Variants in ZC3HAV1L observed in about 807,000 individuals in gnomAD.
ZC3HAV1L encodes the protein zinc finger CCCH-type antiviral protein 1-like.
A neutral mutation model predicts 28.2 loss-of-function variants in ZC3HAV1L; 23 were observed. The ratio of observed to expected loss-of-function variants is 0.82; its 90% CI spans 0.59 to 1.16. The LOEUF is 1.16. Among genes scored for constraint, ZC3HAV1L ranks in the 50% most tolerant of loss-of-function variants. The pLI is 0.00. For missense variants in ZC3HAV1L, 376 were observed against 387.7 expected, an observed-to-expected ratio of 0.97 and a Z score of 0.25; for synonymous variants, 180 against 163.4, an observed-to-expected ratio of 1.10 and a Z score of -0.78.
At chr7:139,035,262 C>A in intron 1 of ZC3HAV1L, 1 of 985,384 alleles carries the variant, frequency 1.0e-6, no homozygotes, top group Non-Finnish European at 1.2e-6. Context: ...CAGCGATTTC[C>A]GGCTAAAGGG....
downstream of ZC3HAV1L, among the ~76,000 whole-genome samples, chr7:139,025,286 T>A (rs568866469): frequency 5.1e-4 from 77 of 152,126 alleles, no homozygotes; most frequent in African/African-American, 1.7e-3. Flanking sequence ...CCGTCTCTAC[T>A]AAAAATACAT....
In ZC3HAV1L at chr7:139,026,758, G is replaced by C; in HGVS notation, c.836C>G (p.Ala279Gly). The change falls in exon 4 of 5, where the codon GCT (alanine) becomes GGT (glycine). Residue 279 changes from alanine (A) to glycine (G), a missense_variant. Transcript: ENST00000275766. ...AGCAGGGACAGAAGCCAGAGGACCA[G>C]CTTCTGCAGCTCCAGCTGCGTGCAC... ...QGVHAAGAAE[A>G]GPLASVPAQS... The C allele has an allele frequency of 1.9e-6, 3 of 1,614,204 alleles. No individual in the cohort carries two copies. The highest frequency in any genetic ancestry group is 3.3e-4 in the Middle Eastern group (2 of 6,046).
At position 139,028,829 on chromosome 7, in the gene ZC3HAV1L, A is replaced by G. The variant is rs1354798990; in HGVS notation, c.633T>C (p.His211=). The G allele has an allele frequency of 1.2e-6, 2 of 1,614,056 alleles. No homozygotes were observed. The highest frequency in any genetic ancestry group is 2.7e-5 in the African/African-American group (2 of 74,924). Residue 211 remains histidine (H), a synonymous_variant, in exon 3 of 5, where the codon CAT becomes CAC. Coordinates refer to ENST00000275766, the MANE Select transcript of ZC3HAV1L (RefSeq NM_080660.4). The part of the protein sequence containing the change: ...ECKLQTCKRS[H]QLIHAASLKL... ...TCAAAGATGCAGCATGGATAAGCTG[A>G]TGGGACCGTTTGCAGGTCTGAAGTT...
intron 3 of ZC3HAV1L, among the ~76,000 whole-genome samples, chr7:139,027,806 T>C (rs1203148168): frequency 1.3e-5 from 2 of 152,222 alleles, no homozygotes; most frequent in Admixed American, 6.5e-5. Flanking sequence ...AATTAACATA[T>C]ACTTTGAGCA....
At chr7:139,022,782 G>A (rs1000166988), downstream of ZC3HAV1L, among the ~76,000 whole-genome samples, 4 of 152,194 alleles carry the variant, frequency 2.6e-5, no homozygotes, top group African/African-American at 9.6e-5. Context: ...AATGCTACAA[G>A]AGTCACCTCT....
At chr7:139,034,826 T>C (rs1815650619) in intron 1 of ZC3HAV1L, 148 bp from the exon 2 acceptor site, 2 of 1,388,920 alleles carry the variant, frequency 1.4e-6, no homozygotes, top group South Asian at 1.9e-5. Flanking sequence ...TAATAAGCAC[T>C]GATGGAAAAT....
chr7:139,033,091 C>T (rs1195757788), intron 2 of ZC3HAV1L, among the ~76,000 whole-genome samples: 1 of 152,018 alleles, frequency 6.6e-6, no homozygotes, highest in Non-Finnish European at 1.5e-5. Flanking sequence ...TGCCTGTAGT[C>T]CCAACTATTC....
intron 2 of ZC3HAV1L, among the ~76,000 whole-genome samples, chr7:139,030,514 G>A (rs577043190): frequency 1.2e-4 from 18 of 151,860 alleles, no homozygotes; most frequent in South Asian, 6.3e-4. Flanking sequence ...CAGCCTGGGC[G>A]ACAGAGCGAG....
chr7:139,025,214 C>T (rs1471567495), downstream of ZC3HAV1L, among the ~76,000 whole-genome samples: 2 of 152,016 alleles, frequency 1.3e-5, no homozygotes, highest in Non-Finnish European at 2.9e-5. Context: ...TTTGGGAGGC[C>T]GAGGCAGGCA....
chr7:139,021,691 C>T (rs1030021360), downstream of ZC3HAV1L, among the ~76,000 whole-genome samples: 5 of 151,914 alleles, frequency 3.3e-5, no homozygotes, highest in East Asian at 9.6e-4. Context: ...TATCAAAAGA[C>T]ACCAATTCCT....
chr7:139,027,603 G>A (rs1478430470), intron 3 of ZC3HAV1L, among the ~76,000 whole-genome samples: 3 of 152,194 alleles, frequency 2.0e-5, no homozygotes, highest in Admixed American at 2.0e-4. Context: ...CTTGAGCCCA[G>A]GAGTTCGAGG....
rs1221906113 is a variant in ZC3HAV1L, at chr7:139,035,803, A to G, written c.215T>C (p.Val72Ala). Residue 72 changes from valine (V) to alanine (A), a missense_variant, in exon 1 of 5, where the codon GTG becomes GCG. Transcript: ENST00000275766. ...DAEAEAAAGA[V>A]GGGGTSAWRV... ...CCAGGCGGAGGTGCCGCCACCGCCC[A>G]CCGCGCCGGCCGCCGCCTCGGCCTC... The G allele has an allele frequency of 2.0e-6, 3 of 1,486,964 alleles. No homozygotes were observed. In the East Asian group the frequency reaches 8.4e-5, roughly 42 times the overall value. 92.1% of individuals were successfully genotyped at this position (1,486,964 alleles called of 1,614,324 possible).
chr7:139,035,604 C>T, intron 1 of ZC3HAV1L, 49 bp downstream of exon 1: 11 of 1,350,762 alleles, frequency 8.1e-6, no homozygotes, highest in Non-Finnish European at 5.7e-6. Flanking sequence ...GCAGGACGGC[C>T]AGGCCCGCGG....
Position 139,028,961 on chromosome 7 carries a change from C to G in ZC3HAV1L, c.502-1G>C, listed in dbSNP as rs751821853. 6.2e-6 allele frequency: 10 copies of G among 1,611,212 alleles called. No homozygotes were observed. In the South Asian group the frequency reaches 9.9e-5, roughly 16 times the overall value. On this transcript the variant is annotated splice_acceptor_variant, in intron 2 of 4. Transcript: ENST00000275766. LOFTEE classifies it high-confidence loss of function. ...CCCCTTTGTTGTAGAGCAAACAGACCTGGTACAGAAATGAGGGAACACCTG... is the reference window on the plus strand; with the variant it reads ...CCCCTTTGTTGTAGAGCAAACAGACGTGGTACAGAAATGAGGGAACACCTG...
At chr7:139,030,597 G>C (rs1815496917) in intron 2 of ZC3HAV1L, among the ~76,000 whole-genome samples, 1 of 151,876 alleles carries the variant, frequency 6.6e-6, no homozygotes, top group African/African-American at 2.4e-5. Context: ...GGGAGGCCAA[G>C]GTGGGTGGAT....
chr7:139,035,032 C>T lies in ZC3HAV1L; in HGVS notation c.366-354G>A, dbSNP rs1815658777. On this transcript the variant is annotated intron_variant, in intron 1 of 4. Transcript: ENST00000275766. ...GAAAGCGCCCCTATCCCCAGCACCGCTTTGGCGGGGTGTGTGGCTAGAGAC... is the reference window on the plus strand; with the variant it reads ...GAAAGCGCCCCTATCCCCAGCACCGTTTTGGCGGGGTGTGTGGCTAGAGAC... 3 of 985,448 alleles carry T rather than the reference C, an allele frequency of 3.0e-6. No individual in the cohort carries two copies. In the African/African-American group the frequency reaches 5.2e-5, roughly 17 times the overall value. 61.0% of individuals were successfully genotyped at this position (985,448 alleles called of 1,614,324 possible). A position where few individuals can be genotyped will look rare whatever the true frequency, so the allele number is the denominator to read the frequency against.
rs1037604577 is a variant in ZC3HAV1L, at chr7:139,026,909, A to G, written c.761-76T>C. ...TACGTTGGGAGCAACAGCCCAGCTA[A>G]CCAGCCATCAGACAAGACTCCCAAC... On this transcript the variant is annotated intron_variant, in intron 3 of 4. Transcript: ENST00000275766. The G allele has an allele frequency of 9.3e-6, 14 of 1,509,254 alleles. No individual in the cohort carries two copies. In the African/African-American group the frequency reaches 9.6e-5, roughly 10 times the overall value. 93.5% of individuals were successfully genotyped at this position (1,509,254 alleles called of 1,614,324 possible).
downstream of ZC3HAV1L, among the ~76,000 whole-genome samples, chr7:139,024,817 A>G (rs1309919101): frequency 6.6e-6 from 1 of 152,272 alleles, no homozygotes; most frequent in Non-Finnish European, 1.5e-5. Flanking sequence ...ACTGCAGGAC[A>G]GTTGAATTTA....
At chr7:139,025,153 C>T (rs113800983), downstream of ZC3HAV1L, among the ~76,000 whole-genome samples, 5,028 of 152,200 alleles carry the variant, frequency 0.033, 252 homozygotes, top group African/African-American at 0.12. Context: ...TTGGTAAAAG[C>T]TCAGCAAGAA....
Sources: allele counts gnomAD v4.1 joint callset (sites outside exome capture counted in the v4.1 genomes callset), GRCh38; gene constraint gnomAD v4.1.1; transcripts MANE v1.5; gene names NCBI Gene and HGNC (gene_info 2026-07-23, HGNC 2026-07-21).